The following GLDN variants were observed in gnomAD, a reference collection of about 807,000 sequenced individuals.
GLDN encodes collomin.
In GLDN, 47 loss-of-function variants were observed where a neutral mutation model predicts 56.5. That is an observed-to-expected ratio of 0.83 (90% CI 0.66 to 1.06). The LOEUF is 1.06. Ranked by LOEUF, GLDN falls within the 50% of genes least tolerant of loss-of-function variation. The pLI, the probability that GLDN is intolerant of heterozygous loss-of-function variation, is 0.00. For synonymous variants in GLDN, 332 were observed against 278.8 expected (o/e 1.19, Z -1.90); for missense variants, 782 against 714.3 (o/e 1.09, Z -1.08).
chr15:51,361,172 T>C (rs374736332), intron 1 of GLDN, among the ~76,000 whole-genome samples: 34 of 152,342 alleles, frequency 2.2e-4, no homozygotes, highest in African/African-American at 7.5e-4. Context: ...AGACAAGTGA[T>C]TCTCAGCTCA....
intron 1 of GLDN, among the ~76,000 whole-genome samples, chr15:51,363,690 C>A (rs577446256): frequency 1.3e-5 from 2 of 152,114 alleles, no homozygotes; most frequent in African/African-American, 4.8e-5. Context: ...GCCCAGTGGG[C>A]GATCAGGAAG....
intron 1 of GLDN, among the ~76,000 whole-genome samples, chr15:51,351,666 C>A (rs942142953): frequency 6.6e-6 from 1 of 152,206 alleles, no homozygotes. Context: ...GGTACTGCTG[C>A]CACCTTCAGC....
At chr15:51,357,402 G>A (rs117211386) in intron 1 of GLDN, among the ~76,000 whole-genome samples, 1,841 of 152,286 alleles carry the variant, frequency 0.012, 55 homozygotes, top group Non-Finnish European at 9.6e-3. Context: ...CCAAAGCGGT[G>A]AGTAACACTG....
Position 51,404,815 on chromosome 15 carries a change from A to G in GLDN, c.*61A>G. 9.7e-6 allele frequency: 8 copies of G among 826,292 alleles called. No homozygotes were observed. The South Asian group carries it at 1.3e-4, about 13-fold the overall frequency. The allele number at this position is 826,292 out of a possible 1,614,324, so 51.2% of individuals were successfully genotyped here. A position where few individuals can be genotyped will look rare whatever the true frequency, so the allele number is the denominator to read the frequency against. ...GGTTTTCTGGGACCAGTTCTCCCCC[A>G]ACAGGAAACTTGTTTTTTTAACGTC... On this transcript the variant is annotated 3_prime_UTR_variant, in exon 10 of 10. Transcript: ENST00000335449.
chr15:51,373,763 C>A (rs1390849068), intron 1 of GLDN, among the ~76,000 whole-genome samples: 1 of 152,182 alleles, frequency 6.6e-6, no homozygotes, highest in African/African-American at 2.4e-5. Flanking sequence ...GGCAGGGCCA[C>A]AACATGGATG....
At chr15:51,354,396 T>G (rs528406358) in intron 1 of GLDN, among the ~76,000 whole-genome samples, 1 of 152,300 alleles carries the variant, frequency 6.6e-6, no homozygotes, top group Admixed American at 6.5e-5. Context: ...AAGCCACATT[T>G]GGGGACCTTG....
intron 1 of GLDN, among the ~76,000 whole-genome samples, chr15:51,359,903 C>T (rs369259869): frequency 2.7e-5 from 4 of 148,966 alleles, no homozygotes; most frequent in Non-Finnish European, 5.9e-5. Context: ...GATGTGAACC[C>T]GGGAGGCGGA....
At position 51,383,459 on chromosome 15, in the gene GLDN, A is replaced by G. The variant is rs1266004843; in HGVS notation, c.433+6A>G. On this transcript the variant is annotated splice_donor_region_variant and intron_variant, in intron 3 of 9. Coordinates refer to ENST00000335449, the MANE Select transcript of GLDN (RefSeq NM_181789.4). ...AGGACCTTCTGGACCACCAGGTAAG[A>G]GCCCATGGATTTTCTAGTTCAAGGG... 6.2e-7 allele frequency: 1 copy of G among 1,613,816 alleles called. No homozygotes were observed. The highest frequency in any genetic ancestry group is 2.2e-5 in the East Asian group (1 of 44,894).
intron 1 of GLDN, chr15:51,367,275 T>G (rs2037424196): frequency 6.6e-6 from 1 of 152,224 alleles, no homozygotes; most frequent in Non-Finnish European, 1.5e-5. Flanking sequence ...CATTGTCACA[T>G]GGAGTTTTTC....
chr15:51,355,712 A>AT (rs1395115439), intron 1 of GLDN, among the ~76,000 whole-genome samples: 1 of 149,068 alleles, frequency 6.7e-6, no homozygotes, highest in Non-Finnish European at 1.5e-5. Context: ...TTTAGTAGAG[A>AT]CGGGGTTTCA....
intron 2 of GLDN, among the ~76,000 whole-genome samples, chr15:51,378,616 G>A (rs2037688360): frequency 6.6e-6 from 1 of 152,204 alleles, no homozygotes; most frequent in Non-Finnish European, 1.5e-5. Context: ...TTGGCAGAGA[G>A]TGGGGAACGA....
In GLDN at chr15:51,363,557, C is replaced by T. The variant is rs903861032; in HGVS notation, c.364-13892C>T. Among the ~76,000 whole-genome samples the T allele has an allele frequency of 7.9e-5, 12 of 152,306 alleles. 1 individual carries two copies. In the South Asian group the frequency reaches 1.2e-3, roughly 16 times the overall value. On this transcript the variant is annotated intron_variant, in intron 1 of 9. Transcript: ENST00000335449. Reference sequence around the variant, plus strand: ...GGCATGTGGGTGCACACTGTGGGTGCTGAGGAACAACAAGAAAGGAACCCT... The same window carrying T: ...GGCATGTGGGTGCACACTGTGGGTGTTGAGGAACAACAAGAAAGGAACCCT...
chr15:51,353,248 C>A (rs937310553), intron 1 of GLDN, among the ~76,000 whole-genome samples: 5 of 152,166 alleles, frequency 3.3e-5, no homozygotes, highest in Admixed American at 6.5e-5. Context: ...GCCCCCTCTG[C>A]CTGCCAAACT....
At chr15:51,408,706 G>C (rs1411599833), downstream of GLDN, among the ~76,000 whole-genome samples, 1 of 152,032 alleles carries the variant, frequency 6.6e-6, no homozygotes, top group Admixed American at 6.5e-5. Context: ...GACAGGCCCT[G>C]GTGTGTGGTG....
chr15:51,382,726 C>CAAAAA (rs576743825), intron 2 of GLDN, among the ~76,000 whole-genome samples: 2 of 82,750 alleles, frequency 2.4e-5, no homozygotes, highest in Non-Finnish European at 5.2e-5. Context: ...ACTCTGTCTC[C>CAAAAA]AAAAAAAAAA....
At chr15:51,358,176 A>C (rs1276490375) in intron 1 of GLDN, among the ~76,000 whole-genome samples, 2 of 152,212 alleles carry the variant, frequency 1.3e-5, no homozygotes, top group African/African-American at 4.8e-5. Flanking sequence ...AATAGATAAT[A>C]GGTCCCCCCA....
At chr15:51,354,509 A>G (rs2037137447) in intron 1 of GLDN, among the ~76,000 whole-genome samples, 2 of 152,240 alleles carry the variant, frequency 1.3e-5, no homozygotes, top group South Asian at 2.1e-4. Context: ...GTCCTCACTA[A>G]GGAAATTGAA....
intron 5 of GLDN, among the ~76,000 whole-genome samples, chr15:51,395,439 C>A (rs146429145): frequency 6.6e-6 from 1 of 152,118 alleles, no homozygotes; most frequent in African/African-American, 2.4e-5. Context: ...AAGCCCTGGT[C>A]GACCTCAGTA....
At chr15:51,402,298 C>A (rs1357776497) in intron 9 of GLDN, among the ~76,000 whole-genome samples, 1 of 152,196 alleles carries the variant, frequency 6.6e-6, no homozygotes, top group Admixed American at 6.5e-5. Flanking sequence ...CCAAGGCAGC[C>A]GCTGAGCCTT....
Sources: allele counts gnomAD v4.1 joint callset (sites outside exome capture counted in the v4.1 genomes callset), GRCh38; gene constraint gnomAD v4.1.1; transcripts MANE v1.5; gene names NCBI Gene and HGNC (gene_info 2026-07-23, HGNC 2026-07-21).